VEGFC: variants seen among roughly 807,000 people sequenced by gnomAD.
VEGFC encodes vascular endothelial growth factor C.
A neutral mutation model predicts 46.1 loss-of-function variants in VEGFC; 12 were observed. That is an observed-to-expected ratio of 0.26 (90% CI 0.17 to 0.42). The LOEUF (loss-of-function observed/expected upper bound fraction) is 0.42, where lower values mean the gene tolerates loss of function less well. Ranked by LOEUF, VEGFC falls within the 10% of genes least tolerant of loss-of-function variation. The pLI is 1.00. For missense variants in VEGFC, 488 were observed against 529.4 expected, an observed-to-expected ratio of 0.92 and a Z score of 0.77; for synonymous variants, 232 against 195.5, an observed-to-expected ratio of 1.19 and a Z score of -1.56.
At chr4:176,717,252 T>TA (rs1579103254) in intron 3 of VEGFC, among the ~76,000 whole-genome samples, 2 of 151,550 alleles carry the variant, frequency 1.3e-5, no homozygotes, top group Admixed American at 6.6e-5. Context: ...AAAGGACATA[T>TA]AAAAAAAGGC....
At chr4:176,750,911 A>G (rs1028171558) in intron 1 of VEGFC, among the ~76,000 whole-genome samples, 13 of 151,878 alleles carry the variant, frequency 8.6e-5, no homozygotes, top group African/African-American at 2.6e-4. Context: ...CCCATGGGTT[A>G]TAACAGGAAA....
At chr4:176,783,421 G>A (rs774009633) in intron 1 of VEGFC, among the ~76,000 whole-genome samples, 42 of 151,966 alleles carry the variant, frequency 2.8e-4, no homozygotes, top group Non-Finnish European at 3.4e-4. Context: ...TATTTTTTGT[G>A]GCAATAATAT....
intron 1 of VEGFC, among the ~76,000 whole-genome samples, chr4:176,788,006 C>G (rs1383372959): frequency 6.6e-6 from 1 of 152,176 alleles, no homozygotes; most frequent in Non-Finnish European, 1.5e-5. Context: ...AATAATGTAA[C>G]TGGTGAAAGG....
At chr4:176,743,759 T>C (rs1735216842) in intron 1 of VEGFC, among the ~76,000 whole-genome samples, 1 of 151,906 alleles carries the variant, frequency 6.6e-6, no homozygotes, top group Non-Finnish European at 1.5e-5. Flanking sequence ...AGGCATTTAA[T>C]AGTATATGTT....
At chr4:176,708,470 T>G (rs1413647810) in intron 4 of VEGFC, among the ~76,000 whole-genome samples, 1 of 152,170 alleles carries the variant, frequency 6.6e-6, no homozygotes, top group East Asian at 1.9e-4. Context: ...AGTATATTTG[T>G]TACATTAAAA....
Position 176,740,099 on chromosome 4 carries a change from CATATATTCTATAT to C in VEGFC, c.148-10366_148-10354del, listed in dbSNP as rs1203470770. On this transcript the variant is annotated intron_variant, in intron 1 of 6. Transcript: ENST00000618562. ...TATTATATATTCTATATATTCTATACATATATTCTATATATATATTCTATATATAGAATATATA... is the reference window on the plus strand; with the variant it reads ...TATTATATATTCTATATATTCTATACATATATTCTATATATAGAATATATA... Among the ~76,000 whole-genome samples the C allele has an allele frequency of 1.4e-4, 2 of 13,850 alleles. 1 individual carries two copies. The highest frequency in any genetic ancestry group is 1.4e-3 in the Non-Finnish European group (2 of 1,454). The allele number at this position is 13,850 out of a possible 152,430, so 9.1% of individuals were successfully genotyped here.
At chr4:176,717,382 A>T (rs1174625109) in intron 3 of VEGFC, among the ~76,000 whole-genome samples, 1 of 152,188 alleles carries the variant, frequency 6.6e-6, no homozygotes, top group Non-Finnish European at 1.5e-5. Context: ...ATCTACTGGC[A>T]TTCTTTAATA....
chr4:176,728,487 C>T (rs1239107142), intron 2 of VEGFC, among the ~76,000 whole-genome samples: 1 of 152,132 alleles, frequency 6.6e-6, no homozygotes, highest in Non-Finnish European at 1.5e-5. Context: ...TGAGTAATGT[C>T]GTGGCTGCAG....
chr4:176,757,928 T>C (rs1212962792), intron 1 of VEGFC, among the ~76,000 whole-genome samples: 1 of 152,048 alleles, frequency 6.6e-6, no homozygotes, highest in Non-Finnish European at 1.5e-5. Context: ...TATACTGCCT[T>C]TGACTTAATC....
chr4:176,744,240 T>C (rs998235176), intron 1 of VEGFC, among the ~76,000 whole-genome samples: 1 of 152,022 alleles, frequency 6.6e-6, no homozygotes, highest in Non-Finnish European at 1.5e-5. Context: ...AACTAAATTA[T>C]ACAATACCAG....
At chr4:176,689,066 A>G (rs965192429) in intron 4 of VEGFC, among the ~76,000 whole-genome samples, 5 of 152,234 alleles carry the variant, frequency 3.3e-5, no homozygotes, top group African/African-American at 7.2e-5. Flanking sequence ...CAGGATATAT[A>G]TCAACTTCTC....
intron 1 of VEGFC, among the ~76,000 whole-genome samples, chr4:176,731,480 G>T (rs1343993212): frequency 6.6e-6 from 1 of 151,734 alleles, no homozygotes; most frequent in East Asian, 1.9e-4. Context: ...CCTCAATAAT[G>T]TTGGAAAAAA....
intron 1 of VEGFC, among the ~76,000 whole-genome samples, chr4:176,772,348 T>A (rs1330188823): frequency 6.6e-6 from 1 of 152,216 alleles, no homozygotes; most frequent in East Asian, 1.9e-4. Flanking sequence ...AAGGTTTTCA[T>A]GTAAGTGCTA....
intron 1 of VEGFC, among the ~76,000 whole-genome samples, chr4:176,760,393 A>G (rs186252944): frequency 1.3e-5 from 2 of 152,298 alleles, no homozygotes; most frequent in African/African-American, 4.8e-5. Context: ...CTCCCAAAGA[A>G]AAAAGAATTT....
At position 176,729,560 on chromosome 4, in the gene VEGFC, C is replaced by T. The variant is rs1230115284; in HGVS notation, c.334G>A (p.Ala112Thr). ...RTEETIKFAA[A>T]HYNTEILKSI... ...TTCAAGATCTCTGTATTATAATGTG[C>T]TGCAGCAAATTTTATAGTCTCTTCT... is the stretch of plus-strand genomic sequence containing the variant. The change falls in exon 2 of 7, where the codon GCA becomes ACA. Residue 112 changes from alanine to threonine, a missense_variant. Physicochemically the swap from Ala to Thr is moderately conservative, Grantham distance 58 (BLOSUM62 0). Transcript: ENST00000618562. 3.7e-6 allele frequency: 6 copies of T among 1,613,260 alleles called. No individual in the cohort carries two copies. Among genetic ancestry groups the T allele is most frequent in the Non-Finnish European group, 5.1e-6 (6 of 1,179,824 alleles).
At chr4:176,705,096 CAT>C (rs1191150395) in intron 4 of VEGFC, among the ~76,000 whole-genome samples, 1 of 152,150 alleles carries the variant, frequency 6.6e-6, no homozygotes, top group Non-Finnish European at 1.5e-5. Context: ...TACTCTAGTA[CAT>C]GAGTTATTTT....
chr4:176,742,113 G>T (rs930887431), intron 1 of VEGFC, among the ~76,000 whole-genome samples: 1 of 151,956 alleles, frequency 6.6e-6, no homozygotes, highest in Non-Finnish European at 1.5e-5. Flanking sequence ...GGAGTCCCCA[G>T]TGTCTACTGT....
intron 6 of VEGFC, among the ~76,000 whole-genome samples, chr4:176,684,542 A>G (rs2877961): frequency 0.71 from 107,956 of 151,986 alleles, 39,595 homozygotes; most frequent in Non-Finnish European, 0.8. Context: ...CATGACGGTG[A>G]CTAACTCTTC....
chr4:176,787,931 T>C (rs2110956919), intron 1 of VEGFC, among the ~76,000 whole-genome samples: 1 of 152,350 alleles, frequency 6.6e-6, no homozygotes. Context: ...AATCTGTACA[T>C]ACAAATATGT....
Sources: allele counts gnomAD v4.1 joint callset (sites outside exome capture counted in the v4.1 genomes callset), GRCh38; gene constraint gnomAD v4.1.1; transcripts MANE v1.5; gene names NCBI Gene and HGNC (gene_info 2026-07-23, HGNC 2026-07-21).